The following CNTLN variants were observed in gnomAD, a reference collection of about 807,000 sequenced individuals.
CNTLN encodes centlein, also known as centlein, centrosomal protein.
CNTLN carries 212 observed loss-of-function variants against 180.0 expected under a neutral mutation model. That is an observed-to-expected ratio of 1.18 (90% CI 1.05 to 1.32). CNTLN has a LOEUF of 1.32. Among genes scored for constraint, CNTLN ranks in the 40% most tolerant of loss-of-function variants. The probability of loss-of-function intolerance (pLI) is 0.00; values close to 1 mark genes in which losing one functional copy is unlikely to be tolerated. For missense variants in CNTLN, 2,095 were observed against 1,610.9 expected, an observed-to-expected ratio of 1.30 and a Z score of -5.14; for synonymous variants, 722 against 563.1, an observed-to-expected ratio of 1.28 and a Z score of -3.99.
chr9:17,180,834 G>T (rs1034014537), intron 2 of CNTLN, among the ~76,000 whole-genome samples: 1 of 151,914 alleles, frequency 6.6e-6, no homozygotes, highest in Non-Finnish European at 1.5e-5. Context: ...ATTGTGCGTT[G>T]ATTCTTTTCT....
chr9:17,434,106 T>G (rs1380867386), intron 18 of CNTLN, among the ~76,000 whole-genome samples: 1 of 152,168 alleles, frequency 6.6e-6, no homozygotes, highest in Non-Finnish European at 1.5e-5. Context: ...AGTCCTTGTT[T>G]CATTTCTGAT....
intron 2 of CNTLN, among the ~76,000 whole-genome samples, chr9:17,175,922 A>G (rs1473364540): frequency 1.3e-5 from 2 of 152,096 alleles, no homozygotes; most frequent in African/African-American, 4.8e-5. Context: ...TTGCATTACT[A>G]ATATATAGAA....
chr9:17,347,724 T>C (rs7851890), intron 12 of CNTLN, among the ~76,000 whole-genome samples: 87,939 of 150,996 alleles, frequency 0.58, 25,946 homozygotes, highest in East Asian at 0.73. Context: ...ATTGAATACA[T>C]GTAAACTACC....
chr9:17,195,925 C>T (rs558334791), intron 2 of CNTLN, among the ~76,000 whole-genome samples: 1 of 152,218 alleles, frequency 6.6e-6, no homozygotes, highest in South Asian at 2.1e-4. Flanking sequence ...TTTTGGTGAT[C>T]TACATAAGAT....
At chr9:17,310,131 A>G (rs893283386) in intron 8 of CNTLN, among the ~76,000 whole-genome samples, 1 of 152,162 alleles carries the variant, frequency 6.6e-6, no homozygotes, top group Non-Finnish European at 1.5e-5. Context: ...CTTTATTATA[A>G]TAAACACCCT....
intron 5 of CNTLN, among the ~76,000 whole-genome samples, chr9:17,248,055 T>G (rs1277667128): frequency 6.6e-6 from 1 of 152,118 alleles, no homozygotes; most frequent in Non-Finnish European, 1.5e-5. Flanking sequence ...ACTCCTTAGC[T>G]CAAAGCGATT....
intron 5 of CNTLN, among the ~76,000 whole-genome samples, chr9:17,241,290 C>T (rs898324400): frequency 9.2e-5 from 14 of 152,154 alleles, no homozygotes; most frequent in Non-Finnish European, 5.9e-5. Flanking sequence ...ATATCCATTT[C>T]CCAGCACAGT....
At chr9:17,246,655 G>C (rs371470785) in intron 5 of CNTLN, among the ~76,000 whole-genome samples, 13 of 152,208 alleles carry the variant, frequency 8.5e-5, no homozygotes, top group African/African-American at 2.7e-4. Flanking sequence ...CCCTGGCCAT[G>C]TGTAGAGAAG....
At chr9:17,294,011 T>C (rs1397680405) in intron 6 of CNTLN, among the ~76,000 whole-genome samples, 1 of 151,996 alleles carries the variant, frequency 6.6e-6, no homozygotes, top group African/African-American at 2.4e-5. Context: ...TTGCGGTGAG[T>C]GTTACAGTTC....
intron 7 of CNTLN, among the ~76,000 whole-genome samples, chr9:17,305,011 A>G (rs1322933986): frequency 6.6e-6 from 1 of 152,216 alleles, no homozygotes; most frequent in Non-Finnish European, 1.5e-5. Flanking sequence ...TAAACAAATT[A>G]GTATCAGTGG....
intron 2 of CNTLN, among the ~76,000 whole-genome samples, chr9:17,178,783 A>C (rs1158945455): frequency 6.6e-6 from 1 of 151,980 alleles, no homozygotes; most frequent in African/African-American, 2.4e-5. Context: ...ACCTGCCTTC[A>C]AGCTGAGGGA....
intron 2 of CNTLN, among the ~76,000 whole-genome samples, chr9:17,163,436 A>G (rs774246263): frequency 2.6e-5 from 4 of 152,240 alleles, no homozygotes; most frequent in African/African-American, 4.8e-5. Flanking sequence ...TTCATTAGAT[A>G]TCATTGGCAA....
At chr9:17,280,276 A>G (rs1030474044) in intron 6 of CNTLN, among the ~76,000 whole-genome samples, 1 of 152,124 alleles carries the variant, frequency 6.6e-6, no homozygotes, top group Admixed American at 6.6e-5. Flanking sequence ...TTCTCTTTCA[A>G]CTAACCTAGA....
chr9:17,306,685 T>C (rs939501814), intron 7 of CNTLN, among the ~76,000 whole-genome samples: 4 of 152,170 alleles, frequency 2.6e-5, no homozygotes, highest in African/African-American at 9.7e-5. Context: ...ATAGAAGGTA[T>C]GTAGTTTTCT....
At chr9:17,257,921 G>A (rs1826634416) in intron 5 of CNTLN, among the ~76,000 whole-genome samples, 2 of 137,238 alleles carry the variant, frequency 1.5e-5, no homozygotes, top group Admixed American at 7.2e-5. Context: ...CTCCCATTTT[G>A]TGGGTTGCCT....
rs755674399 is a variant in CNTLN at position 17,409,327 on chromosome 9, G to C, written c.2650G>C (p.Gly884Arg). The change falls in exon 16 of 26, where the codon GGA (glycine) becomes CGA (arginine). Residue 884 changes from glycine (G) to arginine (R), a missense_variant. Physicochemically the swap from Gly to Arg is moderately radical, Grantham distance 125. Coordinates refer to ENST00000380647, the MANE Select transcript of CNTLN (RefSeq NM_017738.4). The stretch of plus-strand genomic sequence containing the variant: ...TGAAGCACAGACCTCTCAAACTTTG[G>C]GAACAATTATTGTAGAAACATCCCA... ...DSEAQTSQTLGTIIVETSQKI... is the reference protein window; with the variant it reads ...DSEAQTSQTLRTIIVETSQKI... 1 of 1,612,412 alleles carries C rather than the reference G, an allele frequency of 6.2e-7. No individual in the cohort carries two copies. Among genetic ancestry groups the C allele is most frequent in the Non-Finnish European group, 8.5e-7 (1 of 1,179,464 alleles).
intron 5 of CNTLN, among the ~76,000 whole-genome samples, chr9:17,269,147 G>T (rs1827747530): frequency 6.7e-6 from 1 of 148,262 alleles, no homozygotes; most frequent in Non-Finnish European, 1.5e-5. Context: ...GGGAACTGTA[G>T]ACCGGAGCTG....
chr9:17,520,297 C>T, the CNTLN span, among the ~76,000 whole-genome samples: 24 of 152,084 alleles, frequency 1.6e-4, no homozygotes, highest in African/African-American at 5.6e-4. Context: ...TTACAGGGGC[C>T]AAAGGATTTA....
intron 8 of CNTLN, among the ~76,000 whole-genome samples, chr9:17,322,958 T>C (rs1820018493): frequency 6.6e-6 from 1 of 152,202 alleles, no homozygotes; most frequent in African/African-American, 2.4e-5. Context: ...TGATAACTTG[T>C]AATATTAAAT....
Sources: allele counts gnomAD v4.1 joint callset (sites outside exome capture counted in the v4.1 genomes callset), GRCh38; gene constraint gnomAD v4.1.1; transcripts MANE v1.5; gene names NCBI Gene and HGNC (gene_info 2026-07-23, HGNC 2026-07-21).